The following PTPRD variants were observed in gnomAD, a reference collection of about 807,000 sequenced individuals.
PTPRD encodes the protein protein tyrosine phosphatase receptor type D, also known as receptor-type tyrosine-protein phosphatase delta.
PTPRD carries 34 observed loss-of-function variants against 214.5 expected under a neutral mutation model. That is an observed-to-expected ratio of 0.16 (90% CI 0.12 to 0.21). The LOEUF is 0.21. PTPRD is among the 10% of genes least tolerant of loss of function. The pLI is 1.00. For synonymous variants in PTPRD, 1,128 were observed against 845.7 expected, an observed-to-expected ratio of 1.33 and a Z score of -5.79; for missense variants, 2,545 against 2,398.7, an observed-to-expected ratio of 1.06 and a Z score of -1.27.
At chr9:9,232,214 A>C (rs2099963555) in intron 9 of PTPRD, among the ~76,000 whole-genome samples, 1 of 152,150 alleles carries the variant, frequency 6.6e-6, no homozygotes, top group South Asian at 2.1e-4. Context: ...AACTACTGAA[A>C]GGAGGTTTAG....
At chr9:9,238,093 G>T (rs1443930525) in intron 9 of PTPRD, among the ~76,000 whole-genome samples, 2 of 152,038 alleles carry the variant, frequency 1.3e-5, no homozygotes, top group Non-Finnish European at 2.9e-5. Flanking sequence ...CCACATGAAG[G>T]GACCTGAAGG....
chr9:9,730,264 A>G (rs1253875903), intron 7 of PTPRD, among the ~76,000 whole-genome samples: 1 of 152,130 alleles, frequency 6.6e-6, no homozygotes, highest in Non-Finnish European at 1.5e-5. Context: ...AGTTACCTAT[A>G]ATACTGTTAA....
At chr9:8,329,926 C>G (rs1265576125) in intron 44 of PTPRD, among the ~76,000 whole-genome samples, 1 of 144,404 alleles carries the variant, frequency 6.9e-6, no homozygotes, top group Non-Finnish European at 1.5e-5. Flanking sequence ...GATTTTCAAG[C>G]CAGTGGATCG....
chr9:8,971,565 T>C (rs1420109937), intron 11 of PTPRD, among the ~76,000 whole-genome samples: 4 of 151,696 alleles, frequency 2.6e-5, no homozygotes, highest in Admixed American at 2.6e-4. Context: ...TGCTACATAG[T>C]TAAAGTTCAA....
At chr9:10,199,755 G>A (rs183212986) in intron 3 of PTPRD, among the ~76,000 whole-genome samples, 10 of 151,838 alleles carry the variant, frequency 6.6e-5, no homozygotes, top group Admixed American at 4.6e-4. Context: ...TCCAAAGCCC[G>A]GATCCACCAG....
intron 8 of PTPRD, among the ~76,000 whole-genome samples, chr9:9,398,760 T>A (rs961116402): frequency 6.6e-6 from 1 of 152,024 alleles, no homozygotes; most frequent in African/African-American, 2.4e-5. Context: ...TTAAATTTTG[T>A]ATAAAAAGTT....
chr9:8,854,042 T>G lies in PTPRD; in HGVS notation c.-103-120096A>C, dbSNP rs569696223. Among the ~76,000 whole-genome samples, 23 of 152,324 alleles carry G rather than the reference T, an allele frequency of 1.5e-4. No individual in the cohort carries two copies. The South Asian group carries it at 4.1e-3, about 27-fold the overall frequency. Reference sequence around the variant, plus strand: ...GGAAAACTGGATAATTATATCTATATTTAGCACTTCATATATCTGGGCATG... The same window carrying G: ...GGAAAACTGGATAATTATATCTATAGTTAGCACTTCATATATCTGGGCATG... On this transcript the variant is annotated intron_variant, in intron 11 of 45. Coordinates refer to ENST00000381196, the MANE Select transcript of PTPRD (RefSeq NM_002839.4).
intron 11 of PTPRD, among the ~76,000 whole-genome samples, chr9:8,864,824 A>G (rs1367386577): frequency 3.9e-5 from 6 of 152,218 alleles, no homozygotes; most frequent in African/African-American, 1.4e-4. Flanking sequence ...ACAGTTTTCA[A>G]AACAGTGAAT....
At chr9:8,493,196 G>A (rs2097186359) in intron 26 of PTPRD, among the ~76,000 whole-genome samples, 1 of 152,122 alleles carries the variant, frequency 6.6e-6, no homozygotes, top group African/African-American at 2.4e-5. Flanking sequence ...AGATCTTAGG[G>A]TATTAGTCAA....
intron 11 of PTPRD, among the ~76,000 whole-genome samples, chr9:8,829,236 C>T (rs2097236158): frequency 6.6e-6 from 1 of 152,084 alleles, no homozygotes; most frequent in Non-Finnish European, 1.5e-5. Flanking sequence ...TTTCCATCAC[C>T]CCAGAAAGCT....
intron 44 of PTPRD, among the ~76,000 whole-genome samples, chr9:8,321,485 G>GTATATATATATATA (rs1486135985): frequency 1.5e-4 from 7 of 45,382 alleles, no homozygotes; most frequent in Admixed American, 2.6e-4. Flanking sequence ...GTGTGTGTGT[G>GTATATATATATATA]TGTATATATA....
intron 12 of PTPRD, among the ~76,000 whole-genome samples, chr9:8,722,821 A>C (rs892865348): frequency 6.6e-6 from 1 of 152,194 alleles, no homozygotes. Context: ...AATAAAACTG[A>C]CCAGAGATAA....
chr9:10,393,689 TATATATATA>T (rs531255992), intron 2 of PTPRD, among the ~76,000 whole-genome samples: 227 of 147,214 alleles, frequency 1.5e-3, no homozygotes, highest in African/African-American at 5.0e-3. Flanking sequence ...GGTCTTGCTA[TATATATATA>T]ATATATATAA....
intron 2 of PTPRD, among the ~76,000 whole-genome samples, chr9:10,533,230 C>G (rs1387479002): frequency 6.6e-6 from 1 of 152,104 alleles, no homozygotes; most frequent in East Asian, 1.9e-4. Context: ...TGTAAACCTT[C>G]TGGCCACCAG....
chr9:8,554,456 T>C (rs933491155), intron 14 of PTPRD, among the ~76,000 whole-genome samples: 6 of 152,112 alleles, frequency 3.9e-5, no homozygotes, highest in South Asian at 2.1e-4. Context: ...TAAATATCCT[T>C]TGGGTCAAGG....
chr9:8,761,102 T>C (rs1214132282), intron 11 of PTPRD, among the ~76,000 whole-genome samples: 4 of 152,086 alleles, frequency 2.6e-5, no homozygotes, highest in Non-Finnish European at 5.9e-5. Flanking sequence ...GGTAGAAAAA[T>C]TTAAAAAGAC....
intron 5 of PTPRD, among the ~76,000 whole-genome samples, chr9:9,793,648 A>G (rs1003453098): frequency 6.6e-6 from 1 of 152,070 alleles, no homozygotes; most frequent in Non-Finnish European, 1.5e-5. Context: ...CAAGCGGGAA[A>G]AATTTTTTAT....
At chr9:10,550,349 G>A (rs1410341409) in intron 2 of PTPRD, among the ~76,000 whole-genome samples, 2 of 152,238 alleles carry the variant, frequency 1.3e-5, no homozygotes, top group African/African-American at 4.8e-5. Flanking sequence ...GTGATGCTGA[G>A]GTGTAATTTG....
intron 2 of PTPRD, among the ~76,000 whole-genome samples, chr9:10,429,207 A>C (rs1033080926): frequency 1.3e-5 from 2 of 152,130 alleles, no homozygotes; most frequent in Middle Eastern, 3.4e-3. Flanking sequence ...TACACAGAGA[A>C]AAGAAAACTT....
Sources: gnomAD v4.1 joint callset for allele counts (sites outside exome capture counted in the v4.1 genomes callset) on GRCh38, gnomAD v4.1.1 for gene constraint, MANE v1.5 for transcripts, NCBI Gene and HGNC (gene_info 2026-07-23, HGNC 2026-07-21) for gene names.